Variants in GLE1 observed in about 807,000 individuals in gnomAD.
GLE1 encodes GLE1 RNA export mediator.
GLE1 carries 78 observed loss-of-function variants against 97.3 expected under a neutral mutation model. The observed-to-expected ratio is 0.80, with a 90% confidence interval of 0.67 to 0.97. The LOEUF (loss-of-function observed/expected upper bound fraction) is 0.97, where lower values mean the gene tolerates loss of function less well. Ranked by LOEUF, GLE1 falls within the 50% of genes least tolerant of loss-of-function variation. The pLI is 0.00. For synonymous variants in GLE1, 302 were observed against 313.4 expected (o/e 0.96, Z 0.39); for missense variants, 753 against 857.5 (o/e 0.88, Z 1.52).
At chr9:128,513,346 C>T (rs1846879221) in intron 2 of GLE1, among the ~76,000 whole-genome samples, 1 of 152,052 alleles carries the variant, frequency 6.6e-6, no homozygotes, top group South Asian at 2.1e-4. Flanking sequence ...AAGATGGCTA[C>T]TGGTAGCCCT....
rs1188834242 is a variant in GLE1, at chr9:128,533,899, G to C, written c.1594G>C (p.Val532Leu). ...AHLHKKCPYS[V>L]PFYPTFKEGM... ...TCTACATAAGAAGTGTCCTTACTCTGTTCCTTTCTATCCCACTTTCAAGGA... is the reference window on the plus strand; with the variant it reads ...TCTACATAAGAAGTGTCCTTACTCTCTTCCTTTCTATCCCACTTTCAAGGA... The change falls in exon 11 of 16, where the codon GTT becomes CTT. Residue 532 changes from valine to leucine, a missense_variant. Coordinates refer to ENST00000309971, the MANE Select transcript of GLE1 (RefSeq NM_001003722.2). 5 of 1,613,658 alleles carry C rather than the reference G, an allele frequency of 3.1e-6. No individual in the cohort carries two copies. In the South Asian group the frequency reaches 5.5e-5, roughly 18 times the overall value.
intron 13 of GLE1, 70 bp from the exon 14 acceptor site, chr9:128,539,545 TG>T (rs1847825593): frequency 7.9e-7 from 1 of 1,272,752 alleles, no homozygotes; most frequent in Admixed American, 1.7e-5. Context: ...GGGCTGATTG[TG>T]CTTTATGAAT....
chr9:128,523,870 CTT>C (rs1564150713), intron 6 of GLE1, 24 bp downstream of exon 6: 5 of 1,612,836 alleles, frequency 3.1e-6, no homozygotes, highest in South Asian at 1.1e-5. Context: ...CAGAGTGACT[CTT>C]TGCTGTCTTT....
intron 9 of GLE1, among the ~76,000 whole-genome samples, chr9:128,532,996 G>C (rs907640567): frequency 1.1e-4 from 16 of 152,072 alleles, no homozygotes; most frequent in African/African-American, 3.9e-4. Flanking sequence ...CAGTCCATGG[G>C]GTCTGTAACA....
Position 128,538,038 on chromosome 9 carries a change from A to G in GLE1, c.1829A>G (p.Asn610Ser), listed in dbSNP as rs752944652. The change falls in exon 13 of 16, where the codon AAC (asparagine) becomes AGC (serine). Residue 610 changes from asparagine (N) to serine (S), a missense_variant. Physicochemically the swap from Asn to Ser is conservative, Grantham distance 46. Transcript: ENST00000309971. ...HGWRWLAQIL[N>S]MEPLSDVTAT... ...TGGCGCTGGTTGGCACAGATCTTAAACATGGAGCCCTTGTCAGATGTGACA... is the reference window on the plus strand; with the variant it reads ...TGGCGCTGGTTGGCACAGATCTTAAGCATGGAGCCCTTGTCAGATGTGACA... 72 of 1,613,106 alleles carry G rather than the reference A, an allele frequency of 4.5e-5. No homozygotes were observed. The highest frequency in any genetic ancestry group is 5.8e-5 in the Non-Finnish European group (68 of 1,179,170).
At chr9:128,535,478 T>C (rs1847674203) in intron 11 of GLE1, among the ~76,000 whole-genome samples, 1 of 136,754 alleles carries the variant, frequency 7.3e-6, no homozygotes, top group Non-Finnish European at 1.5e-5. Flanking sequence ...GCCGAGATCA[T>C]GCCATTGCAC....
intron 6 of GLE1, 97 bp downstream of exon 6, chr9:128,523,943 G>T: frequency 8.8e-7 from 1 of 1,138,138 alleles, no homozygotes; most frequent in Non-Finnish European, 1.3e-6. Context: ...CCTGCTATCT[G>T]CTTATTGGGG....
intron 11 of GLE1, among the ~76,000 whole-genome samples, chr9:128,535,510 G>A (rs1401294434): frequency 1.0e-5 from 1 of 96,984 alleles, no homozygotes; most frequent in African/African-American, 4.0e-5. Flanking sequence ...CAACAAGAGT[G>A]AAACTCTGTC....
intron 2 of GLE1, among the ~76,000 whole-genome samples, chr9:128,510,906 C>T (rs1367039168): frequency 2.1e-5 from 3 of 141,480 alleles, no homozygotes; most frequent in Admixed American, 1.5e-4. Context: ...AAATATTAGT[C>T]TTTAAAAAAT....
At chr9:128,512,799 A>C (rs1217202067) in intron 2 of GLE1, among the ~76,000 whole-genome samples, 1 of 152,064 alleles carries the variant, frequency 6.6e-6, no homozygotes, top group Non-Finnish European at 1.5e-5. Context: ...AGCTGGGATT[A>C]CAGGCACGCG....
intron 3 of GLE1, among the ~76,000 whole-genome samples, chr9:128,521,777 A>G (rs1382730510): frequency 6.6e-6 from 1 of 152,164 alleles, no homozygotes; most frequent in African/African-American, 2.4e-5. Flanking sequence ...ATATCTTTGC[A>G]CACACATACA....
At chr9:128,537,908 AATGGCTGG>A in intron 12 of GLE1, 70 bp from the exon 13 acceptor site, 1 of 821,022 alleles carries the variant, frequency 1.2e-6, no homozygotes, top group East Asian at 2.5e-5. Flanking sequence ...TCCACTTGGT[AATGGCTGG>A]ATGATACACT....
chr9:128,516,324 T>C (rs903378248), intron 3 of GLE1, among the ~76,000 whole-genome samples: 3 of 151,970 alleles, frequency 2.0e-5, no homozygotes, highest in African/African-American at 7.3e-5. Flanking sequence ...TATTTTGTTT[T>C]TGTTTTTGTT....
At chr9:128,528,165 C>T (rs866043316) in intron 9 of GLE1, among the ~76,000 whole-genome samples, 14 of 151,164 alleles carry the variant, frequency 9.3e-5, no homozygotes, top group Admixed American at 5.9e-4. Flanking sequence ...CCACCATACC[C>T]GGCTAATTTT....
intron 1 of GLE1, among the ~76,000 whole-genome samples, chr9:128,505,622 C>T (rs982989672): frequency 7.2e-5 from 11 of 152,194 alleles, no homozygotes; most frequent in Admixed American, 5.9e-4. Flanking sequence ...GGCAGGAATA[C>T]CACAGAAATG....
intron 1 of GLE1, 36 bp downstream of exon 1, chr9:128,504,940 G>T: frequency 7.1e-7 from 1 of 1,413,550 alleles, no homozygotes. Context: ...GGCCTTTCCG[G>T]CCCCTCGCGA....
intron 3 of GLE1, among the ~76,000 whole-genome samples, chr9:128,520,368 A>ATGTATATATGTATATG (rs1564148315): frequency 1.5e-5 from 2 of 133,956 alleles, no homozygotes; most frequent in African/African-American, 5.0e-5. Flanking sequence ...GTGTGTATAT[A>ATGTATATATGTATATG]TGTATATATG....
At chr9:128,539,960 C>T (rs1243563264) in intron 14 of GLE1, 2 of 940,688 alleles carry the variant, frequency 2.1e-6, no homozygotes, top group East Asian at 2.8e-5. Context: ...ATAATTATGC[C>T]TATAATTGCA....
chr9:128,515,220 A>G (rs1846946516), intron 2 of GLE1, among the ~76,000 whole-genome samples: 1 of 152,210 alleles, frequency 6.6e-6, no homozygotes, highest in South Asian at 2.1e-4. Context: ...TCCCAGGATA[A>G]ATGGACACTG....
Sources: allele counts gnomAD v4.1 joint callset (sites outside exome capture counted in the v4.1 genomes callset), GRCh38; gene constraint gnomAD v4.1.1; transcripts MANE v1.5; gene names NCBI Gene and HGNC (gene_info 2026-07-23, HGNC 2026-07-21).